The following MTFR1 variants were observed in gnomAD, a reference collection of about 807,000 sequenced individuals.
MTFR1 encodes the protein mitochondrial fission regulator 1.
In MTFR1, 28 loss-of-function variants were observed where a neutral mutation model predicts 38.8. The observed-to-expected ratio is 0.72, with a 90% CI of 0.53 to 0.99. The LOEUF (loss-of-function observed/expected upper bound fraction) is 0.99. MTFR1 is among the 50% of genes least tolerant of loss of function. MTFR1 has a pLI of 0.00. For synonymous variants in MTFR1, 145 were observed against 137.0 expected (o/e 1.06, Z -0.41); for missense variants, 358 against 395.5 (o/e 0.91, Z 0.81).
Position 65,710,445 on chromosome 8 carries a change from CGT to C in MTFR1, c.*1402_*1403del, listed in dbSNP as rs1301305952. On this transcript the variant is annotated 3_prime_UTR_variant, in exon 8 of 8. Coordinates refer to ENST00000262146, the MANE Select transcript of MTFR1 (RefSeq NM_014637.4). Reference sequence around the variant, plus strand: ...CAAAATTCAGAAAATTCACCTGAAACGTATTTTGACCTAAAAGAAACATATTT... The same window carrying C: ...CAAAATTCAGAAAATTCACCTGAAACATTTTGACCTAAAAGAAACATATTT... The C allele has an allele frequency of 6.6e-6, 1 of 152,478 alleles. No individual in the cohort carries two copies. Among genetic ancestry groups the C allele is most frequent in the Non-Finnish European group, 1.5e-5 (1 of 67,994 alleles). 9.4% of individuals were successfully genotyped at this position (152,478 alleles called of 1,614,324 possible). A position where few individuals can be genotyped will look rare whatever the true frequency, so the allele number is the denominator to read the frequency against.
chr8:65,756,305 T>A (rs1263540241), intron 3 of MTFR1, among the ~76,000 whole-genome samples: 1 of 152,236 alleles, frequency 6.6e-6, no homozygotes, highest in African/African-American at 2.4e-5. Context: ...CATGTCTTCA[T>A]CAGATTTGGG....
At chr8:65,699,377 A>C (rs1430462586) in intron 4 of MTFR1, among the ~76,000 whole-genome samples, 1 of 152,230 alleles carries the variant, frequency 6.6e-6, no homozygotes, top group Non-Finnish European at 1.5e-5. Flanking sequence ...TTGCTGGGTC[A>C]AACAATAGTT....
downstream of MTFR1, among the ~76,000 whole-genome samples, chr8:65,771,736 G>A (rs370945276): frequency 4.7e-3 from 718 of 151,958 alleles, 4 homozygotes; most frequent in African/African-American, 0.017. Context: ...TTAGCCAGGC[G>A]TGGTGGTGGG....
rs775565132 is a variant in MTFR1 at position 65,707,216 on chromosome 8, C to T, written c.724C>T (p.Leu242Phe). 1.2e-6 allele frequency: 2 copies of T among 1,614,140 alleles called. No individual in the cohort carries two copies. Among genetic ancestry groups the T allele is most frequent in the Non-Finnish European group, 1.7e-6 (2 of 1,180,002 alleles). The change falls in exon 6 of 8, where the codon CTT becomes TTT. Residue 242 changes from leucine to phenylalanine, a missense_variant. Coordinates refer to ENST00000262146, the MANE Select transcript of MTFR1 (RefSeq NM_014637.4). ...TGAAATGCCAAATATGCTAGAGATCCTTAAAGAGATGAACAGTGTAAAACT... is the reference window on the plus strand; with the variant it reads ...TGAAATGCCAAATATGCTAGAGATCTTTAAAGAGATGAACAGTGTAAAACT... ...KPEMPNMLEI[L>F]KEMNSVKLRS...
At chr8:65,718,930 A>T (rs1291259156) in intron 2 of MTFR1, 1 of 276,170 alleles carries the variant, frequency 3.6e-6, no homozygotes, top group Non-Finnish European at 7.1e-6. Flanking sequence ...CAGACTGGTT[A>T]AATTCCAAGA....
At chr8:65,664,851 G>C (rs1804329429) in intron 1 of MTFR1, among the ~76,000 whole-genome samples, 1 of 151,446 alleles carries the variant, frequency 6.6e-6, no homozygotes, top group African/African-American at 2.4e-5. Flanking sequence ...GCTTCCAAAA[G>C]TGCTGGGATT....
At position 65,677,827 on chromosome 8, in the gene MTFR1, C is replaced by T. The variant is rs990906076; in HGVS notation, c.67-4526C>T. ...GGTCAAGAGATCGAGACCATCCTGGCCAACATGGTGAAACCCCGTCTCTAC... is the reference window on the plus strand; with the variant it reads ...GGTCAAGAGATCGAGACCATCCTGGTCAACATGGTGAAACCCCGTCTCTAC... On this transcript the variant is annotated intron_variant, in intron 2 of 7. Transcript: ENST00000262146. 1.1e-4 allele frequency among the ~76,000 whole-genome samples: 16 copies of T among 151,346 alleles called. 1 individual carries two copies. The highest frequency in any genetic ancestry group is 9.9e-4 in the Admixed American group (15 of 15,180).
At chr8:65,713,874 G>A (rs752928064), downstream of MTFR1, among the ~76,000 whole-genome samples, 16 of 152,058 alleles carry the variant, frequency 1.1e-4, no homozygotes, top group Middle Eastern at 3.4e-3. Context: ...TTTTAGTAGA[G>A]ATGGGGTTTC....
chr8:65,726,652 C>T (rs1302641081), intron 3 of MTFR1, among the ~76,000 whole-genome samples: 2 of 151,952 alleles, frequency 1.3e-5, no homozygotes, highest in Non-Finnish European at 2.9e-5. Flanking sequence ...GTATTCAAAC[C>T]CATGGAATAG....
At chr8:65,745,432 G>A (rs1247031206) in intron 3 of MTFR1, 11 of 1,572,796 alleles carry the variant, frequency 7.0e-6, no homozygotes, top group African/African-American at 1.3e-5. Flanking sequence ...CAAATAGAAA[G>A]ATATCAAAAT....
At chr8:65,745,622 A>C in intron 3 of MTFR1, 3 of 592,894 alleles carry the variant, frequency 5.1e-6, no homozygotes, top group Non-Finnish European at 6.0e-6. Flanking sequence ...GACTTTTTCA[A>C]CTGGCTCCAA....
At chr8:65,739,570 T>C in intron 3 of MTFR1, 4 of 1,555,876 alleles carry the variant, frequency 2.6e-6, no homozygotes, top group Non-Finnish European at 3.5e-6. Flanking sequence ...ACTAAATAAA[T>C]GAAAGGTTAA....
At chr8:65,689,558 A>T in intron 3 of MTFR1, 1 of 1,260,694 alleles carries the variant, frequency 7.9e-7, no homozygotes, top group Non-Finnish European at 1.0e-6. Context: ...TTTTTCCACT[A>T]ATAATAGCTG....
intron 1 of MTFR1, among the ~76,000 whole-genome samples, chr8:65,658,615 T>G (rs1177029645): frequency 2.0e-5 from 3 of 152,168 alleles, no homozygotes; most frequent in Non-Finnish European, 4.4e-5. Flanking sequence ...CATGTGTGCA[T>G]GCACATATAC....
intron 3 of MTFR1, among the ~76,000 whole-genome samples, chr8:65,733,493 AC>A (rs1355161003): frequency 3.3e-5 from 5 of 152,056 alleles, no homozygotes; most frequent in Admixed American, 6.6e-5. Flanking sequence ...ATAGAGTGAG[AC>A]CCTGTCTCTA....
chr8:65,751,987 A>G (rs1807991742), intron 3 of MTFR1, among the ~76,000 whole-genome samples: 1 of 152,194 alleles, frequency 6.6e-6, no homozygotes, highest in Non-Finnish European at 1.5e-5. Context: ...CAGATGAATC[A>G]TAATCTATTT....
At chr8:65,770,430 T>C (rs1412362943) in intron 3 of MTFR1, among the ~76,000 whole-genome samples, 1 of 152,134 alleles carries the variant, frequency 6.6e-6, no homozygotes, top group Non-Finnish European at 1.5e-5. Context: ...TATAAAATCA[T>C]CAGATTTCGT....
chr8:65,669,366 A>G (rs959562692), intron 1 of MTFR1, among the ~76,000 whole-genome samples: 6 of 152,348 alleles, frequency 3.9e-5, no homozygotes, highest in Non-Finnish European at 7.3e-5. Context: ...TCTGAAGATT[A>G]TTATCCACCA....
chr8:65,679,620 A>G (rs910551668), intron 2 of MTFR1: 2 of 152,202 alleles, frequency 1.3e-5, no homozygotes, highest in African/African-American at 2.4e-5. Context: ...GTGAAACTCC[A>G]TCTCAAAAAT....
Sources: allele counts gnomAD v4.1 joint callset (sites outside exome capture counted in the v4.1 genomes callset), GRCh38; gene constraint gnomAD v4.1.1; transcripts MANE v1.5; gene names NCBI Gene and HGNC (gene_info 2026-07-23, HGNC 2026-07-21).